CUX1: variants seen among roughly 807,000 people sequenced by gnomAD.
CUX1 encodes cut like homeobox 1, also known as protein CASP.
CUX1 carries 31 observed loss-of-function variants against 158.8 expected under a neutral mutation model. The ratio of observed to expected loss-of-function variants is 0.20; its 90% CI spans 0.15 to 0.26. The LOEUF is 0.26. Among genes scored for constraint, CUX1 ranks in the 10% least tolerant of loss-of-function variants. The pLI, the probability that CUX1 is intolerant of heterozygous loss-of-function variation, is 1.00. For synonymous variants in CUX1, 879 were observed against 862.1 expected (o/e 1.02, Z -0.34); for missense variants, 1,589 against 2,014.6 (o/e 0.79, Z 4.04).
At chr7:101,907,900 G>T (rs889340609) in intron 1 of CUX1, among the ~76,000 whole-genome samples, 1 of 151,992 alleles carries the variant, frequency 6.6e-6, no homozygotes, top group Non-Finnish European at 1.5e-5. Context: ...TGGGAGGATC[G>T]CCTGAGCCCA....
intron 1 of CUX1, among the ~76,000 whole-genome samples, chr7:101,872,930 T>A (rs536839428): frequency 6.6e-6 from 1 of 152,162 alleles, no homozygotes; most frequent in Non-Finnish European, 1.5e-5. Context: ...TGGAGTGCAG[T>A]GGCCCGATCT....
downstream of CUX1, among the ~76,000 whole-genome samples, chr7:102,262,835 G>C (rs1434429007): frequency 1.3e-5 from 2 of 152,110 alleles, no homozygotes; most frequent in South Asian, 4.1e-4. Flanking sequence ...AATACATACC[G>C]AAGGCTGACC....
rs1369945414 is a variant in CUX1, at chr7:102,281,871, GCA to G, written c.1855_1856del (p.Thr619HisfsTer40). ...CTGGTTCTCTCCAACAAGATGGCGC[GCA>G]CCATCGGCTTCTTCTACACACTGTT... On this transcript the variant is annotated frameshift_variant, in exon 21 of 23. Transcript: ENST00000292538. LOFTEE classifies it high-confidence loss of function. 3 of 1,613,318 alleles carry G rather than the reference GCA, an allele frequency of 1.9e-6. No individual in the cohort carries two copies. Among genetic ancestry groups the G allele is most frequent in the Non-Finnish European group, 2.5e-6 (3 of 1,179,552 alleles).
intron 15 of CUX1, among the ~76,000 whole-genome samples, chr7:102,198,259 C>G (rs1795012487): frequency 1.3e-5 from 2 of 152,070 alleles, no homozygotes; most frequent in South Asian, 4.2e-4. Context: ...GAACCTGCCT[C>G]AAATAAAAAA....
At chr7:102,011,874 G>T (rs2129297715) in intron 2 of CUX1, among the ~76,000 whole-genome samples, 1 of 151,996 alleles carries the variant, frequency 6.6e-6, no homozygotes, top group East Asian at 1.9e-4. Flanking sequence ...ACCCAGGCTG[G>T]AGTGCAATGG....
chr7:101,901,575 G>A (rs919091733), intron 1 of CUX1, among the ~76,000 whole-genome samples: 1 of 152,168 alleles, frequency 6.6e-6, no homozygotes, highest in African/African-American at 2.4e-5. Flanking sequence ...GGTTACAGGT[G>A]TGAGCCACTG....
intron 2 of CUX1, among the ~76,000 whole-genome samples, chr7:102,004,082 A>T (rs1305449860): frequency 6.6e-6 from 1 of 152,238 alleles, no homozygotes; most frequent in Non-Finnish European, 1.5e-5. Flanking sequence ...CTGCACCTGG[A>T]TGCAGTGGGA....
chr7:101,989,490 G>A (rs762015598), intron 2 of CUX1, among the ~76,000 whole-genome samples: 1 of 152,172 alleles, frequency 6.6e-6, no homozygotes, highest in African/African-American at 2.4e-5. Context: ...GGAAGGTCCC[G>A]GAGCCCAAAT....
chr7:102,190,546 A>G (rs956794756), intron 12 of CUX1, among the ~76,000 whole-genome samples: 6 of 151,958 alleles, frequency 3.9e-5, no homozygotes, highest in African/African-American at 1.5e-4. Flanking sequence ...CAGACCCTCT[A>G]CGTTCATACA....
chr7:102,193,149 A>G (rs781918886), intron 12 of CUX1, among the ~76,000 whole-genome samples: 1 of 152,256 alleles, frequency 6.6e-6, no homozygotes, highest in Non-Finnish European at 1.5e-5. Flanking sequence ...GTCCCCAGGT[A>G]GGTGCCAGTT....
intron 3 of CUX1, among the ~76,000 whole-genome samples, chr7:102,038,988 A>G (rs1397419579): frequency 6.6e-6 from 1 of 152,158 alleles, no homozygotes; most frequent in Non-Finnish European, 1.5e-5. Flanking sequence ...GCCCTGGAAA[A>G]CCAGTTCAGA....
exon 18 of CUX1, chr7:102,278,023 G>A: frequency 6.3e-7 from 1 of 1,594,052 alleles, no homozygotes; most frequent in Non-Finnish European, 8.6e-7. Context: ...ACAACATCAA[G>A]CTCTTTGAGA....
intron 16 of CUX1, among the ~76,000 whole-genome samples, chr7:102,199,761 T>C (rs1263442233): frequency 6.6e-6 from 1 of 152,202 alleles, no homozygotes; most frequent in African/African-American, 2.4e-5. Flanking sequence ...ATGAGAAACA[T>C]TGCCTTTTAA....
intron 3 of CUX1, among the ~76,000 whole-genome samples, chr7:102,060,643 A>ACACACACACT (rs768478966): frequency 6.7e-6 from 1 of 150,308 alleles, no homozygotes; most frequent in Non-Finnish European, 1.5e-5. Context: ...ACACACACAC[A>ACACACACACT]CTTTGCTGCC....
intron 8 of CUX1, among the ~76,000 whole-genome samples, chr7:102,126,176 G>GCT (rs1352275044): frequency 5.6e-5 from 4 of 70,986 alleles, no homozygotes; most frequent in Non-Finnish European, 5.8e-5. Flanking sequence ...ACCATTTCCG[G>GCT]CTGTGTGTGT....
At chr7:102,143,217 G>A (rs904735455) in intron 8 of CUX1, among the ~76,000 whole-genome samples, 1 of 151,602 alleles carries the variant, frequency 6.6e-6, no homozygotes, top group Admixed American at 6.6e-5. Context: ...ATGGTACTTG[G>A]GGGGTTCCCT....
chr7:102,276,094 C>A (rs1458804265), intron 17 of CUX1, among the ~76,000 whole-genome samples: 2 of 152,008 alleles, frequency 1.3e-5, no homozygotes, highest in Non-Finnish European at 2.9e-5. Context: ...ATCCATTCAC[C>A]TATTCATTTA....
At chr7:101,925,177 C>T (rs902345371) in intron 2 of CUX1, among the ~76,000 whole-genome samples, 3 of 152,110 alleles carry the variant, frequency 2.0e-5, no homozygotes, top group Non-Finnish European at 4.4e-5. Context: ...GGCTCGATCT[C>T]GGCTCACTGA....
chr7:102,236,215 C>A (rs565205297), intron 22 of CUX1, among the ~76,000 whole-genome samples: 1 of 152,184 alleles, frequency 6.6e-6, no homozygotes, highest in East Asian at 1.9e-4. Flanking sequence ...CTGCGAGCTG[C>A]CCCCCTGGGA....
Sources: gnomAD v4.1 joint callset for allele counts (sites outside exome capture counted in the v4.1 genomes callset) on GRCh38, gnomAD v4.1.1 for gene constraint, MANE v1.5 for transcripts, NCBI Gene and HGNC (gene_info 2026-07-23, HGNC 2026-07-21) for gene names.